HDAC6: variants seen among roughly 807,000 people sequenced by gnomAD.
The protein encoded by HDAC6 is protein deacetylase HDAC6.
HDAC6 carries 5 observed loss-of-function variants against 88.9 expected under a neutral mutation model. That is an observed-to-expected ratio of 0.06 (90% CI 0.03 to 0.12). The LOEUF is 0.12. HDAC6 is among the 10% of genes least tolerant of loss of function. HDAC6 has a pLI of 1.00. For missense variants in HDAC6, 706 were observed against 1,014.4 expected (o/e 0.70, Z 4.13); for synonymous variants, 378 against 398.0 (o/e 0.95, Z 0.60).
At chrX:48,804,098 G>A (rs986826894) in intron 4 of HDAC6, among the ~76,000 whole-genome samples, 10 of 111,578 alleles carry the variant, frequency 9.0e-5, no homozygotes, top group Non-Finnish European at 1.7e-4. Flanking sequence ...GGAGGCGGAG[G>A]TTGCAGTGAG....
rs1557023988 is a variant in HDAC6, at chrX:48,805,618, C to T, written c.397-13C>T. On this transcript the variant is annotated splice_polypyrimidine_tract_variant and intron_variant, in intron 5 of 28. Transcript: ENST00000334136. ...TAACCCTTTACCCCACTTTATTCCT[C>T]ATCTCTCCCCAGGCCCGGTTTGCTG... 2 of 1,185,027 alleles carry T rather than the reference C, an allele frequency of 1.7e-6. No individual in the cohort carries two copies. Among genetic ancestry groups the T allele is most frequent in the South Asian group, 1.9e-5 (1 of 53,859 alleles).
chrX:48,824,675 C>G lies in HDAC6; in HGVS notation c.*63C>G, dbSNP rs1266265225. 3.6e-5 allele frequency: 43 copies of G among 1,178,563 alleles called. No individual in the cohort carries two copies. The Admixed American group carries it at 9.3e-4, about 26-fold the overall frequency. On this transcript the variant is annotated 3_prime_UTR_variant, in exon 29 of 29. Transcript: ENST00000334136. ...ACGATAGACCAGCTGTAGCTCATTC[C>G]AGCCTGTACCTTGGATGAGGGGTAG...
At chrX:48,816,324 A>G (rs1422106708) in intron 18 of HDAC6, 55 bp downstream of exon 18, 22 of 1,163,998 alleles carry the variant, frequency 1.9e-5, no homozygotes, top group Non-Finnish European at 2.5e-5. Flanking sequence ...ATGAGGTCTC[A>G]GGGGCTGGAA....
Position 48,823,544 on chromosome X carries a change from C to G in HDAC6, c.3145C>G (p.Leu1049Val), listed in dbSNP as rs993813895. ...GTTPQISPST[L>V]IGSLRTLELG... ...TACACCCCAGATATCTCCCAGTACACTGATTGGGAGTCTCAGGACCTTGGA... is the reference window on the plus strand; with the variant it reads ...TACACCCCAGATATCTCCCAGTACAGTGATTGGGAGTCTCAGGACCTTGGA... The change falls in exon 25 of 29, where the codon CTG becomes GTG. Residue 1049 changes from leucine (L) to valine (V), a missense_variant. By Grantham distance (32) the Leu-to-Val change is conservative. Transcript: ENST00000334136. 25 of 1,207,905 alleles carry G rather than the reference C, an allele frequency of 2.1e-5. No individual in the cohort carries two copies. The highest frequency in any genetic ancestry group is 4.6e-4 in the Middle Eastern group (2 of 4,371).
chrX:48,813,464 T>G (rs2062932731), intron 10 of HDAC6: 1 of 112,008 alleles, frequency 8.9e-6, no homozygotes, highest in African/African-American at 3.2e-5. Context: ...CTCTTAAGTT[T>G]GTCTAGATTC....
chrX:48,817,813 G>A (rs925376502), intron 20 of HDAC6: 2 of 435,306 alleles, frequency 4.6e-6, no homozygotes, highest in African/African-American at 5.0e-5. Context: ...AAGGCCCAGG[G>A]TCCAGTTCCC....
chrX:48,818,171 C>T lies in HDAC6; in HGVS notation c.1995-49C>T, dbSNP rs782487722. The T allele has an allele frequency of 5.1e-6, 6 of 1,169,360 alleles. No individual in the cohort carries two copies. In the South Asian group the frequency reaches 1.1e-4, roughly 22 times the overall value. ...GAGGCGGGTGAGCACCTCAGGGGTA[C>T]TGGAGCCCCTAACCAGCCATGGTCC... On this transcript the variant is annotated intron_variant, in intron 21 of 28. Transcript: ENST00000334136.
intron 17 of HDAC6, 38 bp from the exon 18 acceptor site, chrX:48,816,103 A>G (rs1557027521): frequency 8.3e-7 from 1 of 1,209,822 alleles, no homozygotes; most frequent in Admixed American, 2.2e-5. Context: ...CCTCCCCCTC[A>G]GGCACTAAGC....
In HDAC6 at chrX:48,802,150, T is replaced by TCCGGC; in HGVS notation, c.-31+12_-31+16dup. 8 of 881,017 alleles carry TCCGGC rather than the reference T, an allele frequency of 9.1e-6. No individual in the cohort carries two copies. Among genetic ancestry groups the TCCGGC allele is most frequent in the Non-Finnish European group, 1.1e-5 (8 of 713,657 alleles). 72.6% of individuals were successfully genotyped at this position (881,017 alleles called of 1,213,427 possible). Reference sequence around the variant, plus strand: ...GATCTGGCGGAGTGGAAGGTACCGGTCCGGCCCGATAAGGGGTGGAGTTAA... The same window carrying TCCGGC: ...GATCTGGCGGAGTGGAAGGTACCGGTCCGGCCCGGCCCGATAAGGGGTGGAGTTAA... On this transcript the variant is annotated intron_variant, in intron 1 of 28. Coordinates refer to ENST00000334136, the MANE Select transcript of HDAC6 (RefSeq NM_006044.4).
chrX:48,817,112 C>T (rs1406678517), intron 19 of HDAC6: 8 of 325,329 alleles, frequency 2.5e-5, no homozygotes, highest in Admixed American at 1.1e-4. Flanking sequence ...ATTAGCCGGG[C>T]GTGGCAGCAA....
intron 19 of HDAC6, 124 bp downstream of exon 19, chrX:48,816,757 C>CA: frequency 2.5e-6 from 1 of 407,312 alleles, no homozygotes; most frequent in East Asian, 4.8e-5. Context: ...TGGGGAGGGG[C>CA]ACGGGAGGGG....
chrX:48,816,686 G>A (rs2062990168), intron 19 of HDAC6, 53 bp downstream of exon 19: 1 of 1,085,042 alleles, frequency 9.2e-7, no homozygotes, highest in Admixed American at 2.6e-5. Flanking sequence ...TGGAAAAAGA[G>A]AGCCATCTGC....
At chrX:48,817,266 AAAAGG>A in intron 19 of HDAC6, 55 bp from the exon 20 acceptor site, 1 of 1,081,629 alleles carries the variant, frequency 9.2e-7, no homozygotes, top group Admixed American at 3.3e-5. Flanking sequence ...AAAAAAAAAA[AAAAGG>A]AAGAAAGGAA....
intron 22 of HDAC6, chrX:48,819,791 C>T (rs1557029061): frequency 2.0e-5 from 7 of 345,147 alleles, no homozygotes; most frequent in East Asian, 1.3e-4. Context: ...CTGCCCGCCT[C>T]GGCCTCCCAA....
In HDAC6 at chrX:48,823,429, G is replaced by A. The variant is rs782609857; in HGVS notation, c.3030G>A (p.Glu1010=). Residue 1010 remains glutamate (E), a synonymous_variant, in exon 25 of 29, where the codon GAG becomes GAA. Transcript: ENST00000334136. The part of the protein sequence containing the change: ...EGATLDQTTS[E]EAPGGTELIQ... ...CCACACTGGACCAGACTACGTCAGAGGAGGCTCCAGGGGGCACCGAGCTGA... is the reference window on the plus strand; with the variant it reads ...CCACACTGGACCAGACTACGTCAGAAGAGGCTCCAGGGGGCACCGAGCTGA... The A allele has an allele frequency of 8.3e-5, 100 of 1,209,180 alleles. No homozygotes were observed. Among genetic ancestry groups the A allele is most frequent in the Non-Finnish European group, 9.7e-5 (87 of 894,810 alleles).
intron 23 of HDAC6, among the ~76,000 whole-genome samples, chrX:48,821,213 T>G (rs2063075602): frequency 9.1e-6 from 1 of 109,905 alleles, no homozygotes; most frequent in Non-Finnish European, 1.9e-5. Context: ...TTTTTCTTTT[T>G]CTTTTTTTTT....
intron 22 of HDAC6, chrX:48,819,608 A>G (rs1557028999): frequency 9.9e-6 from 2 of 202,012 alleles, no homozygotes; most frequent in African/African-American, 6.4e-5. Flanking sequence ...CAGTGGTGCA[A>G]TCTCGGCTCA....
At chrX:48,804,738 T>A in intron 4 of HDAC6, among the ~76,000 whole-genome samples, 1 of 111,598 alleles carries the variant, frequency 9.0e-6, no homozygotes, top group East Asian at 2.8e-4. Context: ...TGATGCACTG[T>A]GGTAGAAAGA....
rs1569504025 is a variant in HDAC6 at position 48,815,652 on chromosome X, G to A, written c.1324+10G>A. The stretch of plus-strand genomic sequence containing the variant: ...GTTCTTGTGAGATCAAGTAGGAAGT[G>A]GGGTGTGGGCCTGGTGTGGGGTGGA... On this transcript the variant is annotated intron_variant, in intron 16 of 28. Coordinates refer to ENST00000334136, the MANE Select transcript of HDAC6 (RefSeq NM_006044.4). 8.3e-7 allele frequency: 1 copy of A among 1,199,672 alleles called. No individual in the cohort carries two copies. Among genetic ancestry groups the A allele is most frequent in the Admixed American group, 2.2e-5 (1 of 46,026 alleles).
Sources: gnomAD v4.1 joint callset for allele counts (sites outside exome capture counted in the v4.1 genomes callset) on GRCh38, gnomAD v4.1.1 for gene constraint, MANE v1.5 for transcripts, NCBI Gene and HGNC (gene_info 2026-07-23, HGNC 2026-07-21) for gene names.